CACNA2D2: variants seen among roughly 807,000 people sequenced by gnomAD.
The protein encoded by CACNA2D2 is calcium voltage-gated channel auxiliary subunit alpha2delta 2, also known as voltage-dependent calcium channel subunit alpha-2/delta-2.
Under a neutral mutation model 166.4 loss-of-function variants are expected in CACNA2D2, and 48 were observed. The observed-to-expected ratio is 0.29, with a 90% CI of 0.23 to 0.37. CACNA2D2 has a LOEUF of 0.37. Ranked by LOEUF, CACNA2D2 falls within the 10% of genes least tolerant of loss-of-function variation. The pLI is 1.00. For synonymous variants in CACNA2D2, 561 were observed against 573.7 expected, an observed-to-expected ratio of 0.98 and a Z score of 0.32; for missense variants, 1,122 against 1,433.0, an observed-to-expected ratio of 0.78 and a Z score of 3.50.
At chr3:50,374,633 G>T in intron 22 of CACNA2D2, 104 bp downstream of exon 22, 1 of 1,319,730 alleles carries the variant, frequency 7.6e-7, no homozygotes, top group Non-Finnish European at 1.1e-6. Flanking sequence ...CTGGGCAGGA[G>T]GGACTGCCTC....
At chr3:50,477,941 C>G (rs1352127853) in intron 1 of CACNA2D2, among the ~76,000 whole-genome samples, 1 of 152,138 alleles carries the variant, frequency 6.6e-6, no homozygotes, top group African/African-American at 2.4e-5. Flanking sequence ...GACTAAGGGG[C>G]TGGGCCCATG....
intron 3 of CACNA2D2, among the ~76,000 whole-genome samples, chr3:50,403,429 C>A (rs1373637529): frequency 6.6e-6 from 1 of 152,180 alleles, no homozygotes; most frequent in Admixed American, 6.5e-5. Context: ...CTCCTCAGCA[C>A]CAACTTCGCT....
chr3:50,389,722 G>A (rs2106711670), intron 4 of CACNA2D2, among the ~76,000 whole-genome samples: 1 of 152,346 alleles, frequency 6.6e-6, no homozygotes, highest in Non-Finnish European at 1.5e-5. Context: ...GTGGCGTCAG[G>A]GACATGGGGG....
chr3:50,394,639 T>G (rs948991578), intron 3 of CACNA2D2, among the ~76,000 whole-genome samples: 1 of 152,226 alleles, frequency 6.6e-6, no homozygotes, highest in African/African-American at 2.4e-5. Flanking sequence ...TCTCCCAGAC[T>G]TCCTGAGCCC....
intron 2 of CACNA2D2, among the ~76,000 whole-genome samples, chr3:50,435,294 TGTGTGC>T (rs574574428): frequency 1.0e-3 from 156 of 151,636 alleles, no homozygotes; most frequent in African/African-American, 2.7e-3. Flanking sequence ...GGGTCTTGGG[TGTGTGC>T]GTGTGCGTGT....
intron 3 of CACNA2D2, among the ~76,000 whole-genome samples, chr3:50,425,581 G>A (rs1349125492): frequency 2.0e-5 from 3 of 152,104 alleles, no homozygotes; most frequent in Admixed American, 1.3e-4. Flanking sequence ...ATTTCAGAAC[G>A]AAGGGCCAGA....
chr3:50,419,075 C>T (rs941545330), intron 3 of CACNA2D2, among the ~76,000 whole-genome samples: 3 of 152,030 alleles, frequency 2.0e-5, no homozygotes, highest in Non-Finnish European at 4.4e-5. Context: ...ATCCCTATTT[C>T]CTGGGCCAGG....
At position 50,503,262 on chromosome 3, in the gene CACNA2D2, GAGCAGCGGTAGAAGCGGCAGC is replaced by G; in HGVS notation, c.141_161del (p.Leu48_Leu54del). ...TGTAGGCAGAGGCGCCGGGGGCGGCGAGCAGCGGTAGAAGCGGCAGCAGCAGCCACAGCGGGCGCGGGGGCC... is the reference window on the plus strand; with the variant it reads ...TGTAGGCAGAGGCGCCGGGGGCGGCGAGCAGCCACAGCGGGCGCGGGGGCC... On this transcript the variant is annotated inframe_deletion, in exon 1 of 38. Coordinates refer to ENST00000424201, the MANE Select transcript of CACNA2D2 (RefSeq NM_006030.4). 8.4e-7 allele frequency: 1 copy of G among 1,190,460 alleles called. No homozygotes were observed. The highest frequency in any genetic ancestry group is 1.0e-6 in the Non-Finnish European group (1 of 959,644). 73.7% of individuals were successfully genotyped at this position (1,190,460 alleles called of 1,614,324 possible).
chr3:50,491,372 A>C (rs1036019777), intron 1 of CACNA2D2, among the ~76,000 whole-genome samples: 24 of 152,128 alleles, frequency 1.6e-4, no homozygotes, highest in Non-Finnish European at 1.6e-4. Context: ...GGTTAGGAGG[A>C]GACTGGAAGA....
In CACNA2D2 at chr3:50,472,514, A is replaced by G. The variant is rs557841528; in HGVS notation, c.288+3604T>C. ...CAGGCAGAGGAGCTTCCCTCCTTCT[A>G]TAGAGATCCTCCAAGGAAGGTGTCT... On this transcript the variant is annotated intron_variant, in intron 2 of 37. Coordinates refer to ENST00000424201, the MANE Select transcript of CACNA2D2 (RefSeq NM_006030.4). 3.9e-5 allele frequency among the ~76,000 whole-genome samples: 6 copies of G among 152,238 alleles called. No individual in the cohort carries two copies. In the South Asian group the frequency reaches 1.2e-3, roughly 32 times the overall value.
chr3:50,413,182 G>T (rs1017089306), intron 3 of CACNA2D2, among the ~76,000 whole-genome samples: 1 of 152,140 alleles, frequency 6.6e-6, no homozygotes. Context: ...GGGTAGGGGG[G>T]TGGTGGTGGA....
At chr3:50,476,929 C>CTTTTTT (rs61469495) in intron 1 of CACNA2D2, among the ~76,000 whole-genome samples, 9 of 135,236 alleles carry the variant, frequency 6.7e-5, no homozygotes, top group African/African-American at 1.1e-4. Context: ...GTTTCTTTTT[C>CTTTTTT]TTTTTTTTTT....
intron 2 of CACNA2D2, among the ~76,000 whole-genome samples, chr3:50,439,452 C>G (rs1708489690): frequency 2.0e-5 from 3 of 152,260 alleles, no homozygotes; most frequent in Admixed American, 1.3e-4. Flanking sequence ...CTGCTGCCAG[C>G]TGTCTCCTCA....
intron 3 of CACNA2D2, among the ~76,000 whole-genome samples, chr3:50,426,637 C>A (rs1229856926): frequency 6.6e-6 from 1 of 152,130 alleles, no homozygotes; most frequent in Non-Finnish European, 1.5e-5. Context: ...GCCCCCTAGA[C>A]CCTTATTTTG....
chr3:50,468,245 C>T (rs557654915), intron 2 of CACNA2D2, among the ~76,000 whole-genome samples: 168 of 152,266 alleles, frequency 1.1e-3, no homozygotes, highest in Admixed American at 1.8e-3. Flanking sequence ...ATGCATAGGC[C>T]GGCTGGGGTG....
At position 50,365,458 on chromosome 3, in the gene CACNA2D2, G is replaced by T; in HGVS notation, c.2996C>A (p.Pro999His). ...GACGCAGCTGCTCTCGCGCGTCTCG[G>T]GGCTCCCCTCGGCCTCCGCGGGGTC... is the stretch of plus-strand genomic sequence containing the variant. ...QADPAEAEGS[P>H]ETRESSCVMK... The change falls in exon 35 of 38, where the codon CCC (proline) becomes CAC (histidine). Residue 999 changes from proline (P) to histidine (H), a missense_variant. Around this residue, in one of 2 missense-constraint regions of CACNA2D2, gnomAD observed 282 missense variants for 266.2 expected, o/e 1.06. Coordinates refer to ENST00000424201, the MANE Select transcript of CACNA2D2 (RefSeq NM_006030.4). This position sits in a 1 kb window ranked among gnomAD's most constrained non-coding sequence, Gnocchi z 4.5. The T allele has an allele frequency of 6.2e-7, 1 of 1,613,514 alleles. No homozygotes were observed. The highest frequency in any genetic ancestry group is 8.5e-7 in the Non-Finnish European group (1 of 1,179,888).
intron 2 of CACNA2D2, among the ~76,000 whole-genome samples, chr3:50,443,397 C>A (rs1457939893): frequency 6.6e-6 from 1 of 152,220 alleles, no homozygotes; most frequent in Non-Finnish European, 1.5e-5. Flanking sequence ...CCAGACAGGG[C>A]TCAGCGCATA....
At chr3:50,474,720 C>A (rs966619669) in intron 2 of CACNA2D2, among the ~76,000 whole-genome samples, 1 of 152,328 alleles carries the variant, frequency 6.6e-6, no homozygotes, top group South Asian at 2.1e-4. Flanking sequence ...CATCAGGGAG[C>A]TATCATTCCT....
chr3:50,468,544 C>T (rs536820861), intron 2 of CACNA2D2, among the ~76,000 whole-genome samples: 5 of 151,904 alleles, frequency 3.3e-5, no homozygotes, highest in Admixed American at 1.3e-4. Context: ...CAAGGGTTAG[C>T]GACTAAAATC....
Sources: gnomAD v4.1 joint callset for allele counts (sites outside exome capture counted in the v4.1 genomes callset) on GRCh38, gnomAD v4.1.1 for gene constraint, gnomAD v4.1.1 regional missense constraint, Gnocchi (gnomAD v3.1) non-coding constraint, MANE v1.5 for transcripts, NCBI Gene and HGNC (gene_info 2026-07-23, HGNC 2026-07-21) for gene names.